Variants in ZC3H12B observed in about 807,000 individuals in gnomAD.
ZC3H12B encodes the protein zinc finger CCCH-type containing 12B.
ZC3H12B carries 7 observed loss-of-function variants against 43.9 expected under a neutral mutation model. That is an observed-to-expected ratio of 0.16 (90% CI 0.09 to 0.30). The LOEUF is 0.30. Ranked by LOEUF, ZC3H12B falls within the 10% of genes least tolerant of loss-of-function variation. ZC3H12B has a pLI of 1.00. For missense variants in ZC3H12B, 475 were observed against 670.2 expected, an observed-to-expected ratio of 0.71 and a Z score of 3.22; for synonymous variants, 222 against 241.7, an observed-to-expected ratio of 0.92 and a Z score of 0.76.
intron 3 of ZC3H12B, among the ~76,000 whole-genome samples, chrX:65,431,864 A>T (rs1325197709): frequency 1.8e-5 from 2 of 112,206 alleles, no homozygotes; most frequent in Non-Finnish European, 3.8e-5. Flanking sequence ...TGCTGTGTCT[A>T]AGTTTCTGCC....
chrX:65,276,695 C>G, the ZC3H12B span, among the ~76,000 whole-genome samples: 6 of 111,844 alleles, frequency 5.4e-5, no homozygotes, highest in Non-Finnish European at 1.1e-4. Flanking sequence ...AAGAAATGCT[C>G]AAGTGAGTCT....
At chrX:65,111,906 G>C in the ZC3H12B span, among the ~76,000 whole-genome samples, 10 of 111,145 alleles carry the variant, frequency 9.0e-5, no homozygotes, top group Non-Finnish European at 1.1e-4. Context: ...GCCTCTAAAT[G>C]TTCAAGTGAA....
At chrX:65,195,593 G>A in the ZC3H12B span, among the ~76,000 whole-genome samples, 7 of 112,052 alleles carry the variant, frequency 6.2e-5, no homozygotes, top group Non-Finnish European at 9.4e-5. Context: ...CCATCAGGCT[G>A]GTGGAAAAAA....
chrX:65,471,016 A>G (rs1308184710), intron 3 of ZC3H12B, among the ~76,000 whole-genome samples: 2 of 111,820 alleles, frequency 1.8e-5, no homozygotes, highest in African/African-American at 6.5e-5. Flanking sequence ...GTTTGGGGGT[A>G]GAATGTTCTT....
chrX:65,404,225 A>G (rs1378245024), intron 3 of ZC3H12B, among the ~76,000 whole-genome samples: 1 of 111,893 alleles, frequency 8.9e-6, no homozygotes, highest in Non-Finnish European at 1.9e-5. Context: ...ACAAACAACA[A>G]AAAAAATTAC....
chrX:65,095,868 T>G, the ZC3H12B span, among the ~76,000 whole-genome samples: 2 of 110,679 alleles, frequency 1.8e-5, no homozygotes, highest in African/African-American at 6.6e-5. Context: ...AAGACTGAGC[T>G]CTAAATCATA....
the ZC3H12B span, among the ~76,000 whole-genome samples, chrX:65,055,871 G>A: frequency 8.9e-6 from 1 of 111,972 alleles, no homozygotes; most frequent in Middle Eastern, 4.6e-3. Context: ...TAGCTTATTT[G>A]CATAGAGGTG....
the ZC3H12B span, among the ~76,000 whole-genome samples, chrX:65,215,660 G>A: frequency 9.9e-5 from 11 of 111,095 alleles, no homozygotes; most frequent in Admixed American, 6.8e-4. Context: ...TTTATCATCT[G>A]CATGTTCACT....
At chrX:65,415,462 A>G (rs933782809) in intron 3 of ZC3H12B, among the ~76,000 whole-genome samples, 4 of 112,707 alleles carry the variant, frequency 3.5e-5, no homozygotes, top group Admixed American at 1.9e-4. Context: ...AGGGCCTGCT[A>G]TCTATTATGT....
At chrX:65,436,039 G>A (rs941800672) in intron 3 of ZC3H12B, among the ~76,000 whole-genome samples, 7 of 112,293 alleles carry the variant, frequency 6.2e-5, no homozygotes, top group Admixed American at 5.7e-4. Context: ...TACACAGGCT[G>A]TACAGGAAGC....
the ZC3H12B span, among the ~76,000 whole-genome samples, chrX:65,288,382 A>T: frequency 1.8e-5 from 2 of 111,964 alleles, no homozygotes; most frequent in Admixed American, 9.5e-5. Context: ...AATATCCCTG[A>T]TGAATAAAGA....
the ZC3H12B span, among the ~76,000 whole-genome samples, chrX:65,286,772 T>C: frequency 9.1e-6 from 1 of 110,050 alleles, no homozygotes; most frequent in South Asian, 3.9e-4. Context: ...TTCAATAATA[T>C]GCTGCTCACA....
At chrX:65,216,528 TGTCA>T in the ZC3H12B span, among the ~76,000 whole-genome samples, 2 of 111,099 alleles carry the variant, frequency 1.8e-5, no homozygotes, top group Non-Finnish European at 3.8e-5. Flanking sequence ...TAAGTTTGAG[TGTCA>T]GTCAGGCTAC....
the ZC3H12B span, among the ~76,000 whole-genome samples, chrX:65,113,565 T>TAA: frequency 8.3e-3 from 834 of 100,758 alleles, 12 homozygotes; most frequent in African/African-American, 0.028. Context: ...CCTTGTTTTA[T>TAA]AAAAAAAAAA....
chrX:65,353,016 TTG>T, the ZC3H12B span, among the ~76,000 whole-genome samples: 149 of 104,801 alleles, frequency 1.4e-3, no homozygotes, highest in Admixed American at 4.8e-3. Context: ...CCCAGCTAAT[TTG>T]TGTGTGTGTG....
At chrX:65,489,314 AGAGATT>A (rs778990997) in exon 1 of ZC3H12B, 12 of 1,209,604 alleles carry the variant, frequency 9.9e-6, no homozygotes, top group Non-Finnish European at 1.2e-5. Flanking sequence ...CCAGCTCCAG[AGAGATT>A]GCAAGCCCTG....
At chrX:65,145,748 G>T in the ZC3H12B span, among the ~76,000 whole-genome samples, 1 of 111,499 alleles carries the variant, frequency 9.0e-6, no homozygotes, top group African/African-American at 3.3e-5. Flanking sequence ...ATGAAGCTTA[G>T]TTTTGCTGGG....
the ZC3H12B span, among the ~76,000 whole-genome samples, chrX:65,329,991 C>T: frequency 8.9e-6 from 1 of 112,079 alleles, no homozygotes; most frequent in African/African-American, 3.2e-5. Flanking sequence ...ATGATGCCTC[C>T]AGCTTTGTTC....
the ZC3H12B span, among the ~76,000 whole-genome samples, chrX:65,317,825 A>G: frequency 9.8e-6 from 1 of 102,239 alleles, no homozygotes; most frequent in African/African-American, 3.6e-5. Context: ...ATATATATAT[A>G]CACACTGTAT....
Sources: gnomAD v4.1 joint callset for allele counts (sites outside exome capture counted in the v4.1 genomes callset) on GRCh38, gnomAD v4.1.1 for gene constraint, MANE v1.5 for transcripts, NCBI Gene and HGNC (gene_info 2026-07-23, HGNC 2026-07-21) for gene names.